ATRNL1: variants seen among roughly 807,000 people sequenced by gnomAD.
The protein encoded by ATRNL1 is attractin-like protein 1.
Under a neutral mutation model 182.7 loss-of-function variants are expected in ATRNL1, and 95 were observed. The ratio of observed to expected loss-of-function variants is 0.52; its 90% CI spans 0.44 to 0.62. ATRNL1 has a LOEUF of 0.62. Ranked by LOEUF, ATRNL1 falls within the 20% of genes least tolerant of loss-of-function variation. The pLI, the probability that ATRNL1 is intolerant of heterozygous loss-of-function variation, is 0.00. For synonymous variants in ATRNL1, 576 were observed against 568.3 expected (o/e 1.01, Z -0.19); for missense variants, 1,471 against 1,679.5 (o/e 0.88, Z 2.17).
intron 26 of ATRNL1, among the ~76,000 whole-genome samples, chr10:115,600,393 C>T (rs377458290): frequency 1.1e-4 from 16 of 152,140 alleles, no homozygotes; most frequent in East Asian, 9.7e-4. Context: ...CCAGTTTCTC[C>T]GCATCCTTGC....
At chr10:115,944,287 A>T (rs1229556844) in intron 28 of ATRNL1, among the ~76,000 whole-genome samples, 34 of 328 alleles carry the variant, frequency 0.1, no homozygotes, top group African/African-American at 0.11. Context: ...TTTGTTCCTA[A>T]AAAAAAAAAA....
chr10:115,540,260 A>G (rs2901051), intron 25 of ATRNL1, among the ~76,000 whole-genome samples: 106,406 of 151,910 alleles, frequency 0.7, 38,383 homozygotes, highest in African/African-American at 0.79. Flanking sequence ...GAGCTCATAG[A>G]TAGAACTCTG....
At chr10:115,363,443 A>G (rs1379065560) in intron 19 of ATRNL1, among the ~76,000 whole-genome samples, 7 of 145,816 alleles carry the variant, frequency 4.8e-5, no homozygotes, top group Admixed American at 2.7e-4. Flanking sequence ...AGTAGGTTGC[A>G]AAAATTTTCT....
At chr10:115,260,339 T>C (rs1851342813) in intron 10 of ATRNL1, among the ~76,000 whole-genome samples, 1 of 152,206 alleles carries the variant, frequency 6.6e-6, no homozygotes, top group Non-Finnish European at 1.5e-5. Flanking sequence ...AAAATGCTGT[T>C]AGTCCGATTT....
At chr10:115,115,928 T>A (rs1203097854) in intron 1 of ATRNL1, among the ~76,000 whole-genome samples, 5 of 152,138 alleles carry the variant, frequency 3.3e-5, no homozygotes, top group Non-Finnish European at 7.4e-5. Context: ...CAACCTTGTG[T>A]TATAAACAGC....
At chr10:115,150,789 A>G (rs535323713) in intron 5 of ATRNL1, among the ~76,000 whole-genome samples, 133 of 152,236 alleles carry the variant, frequency 8.7e-4, no homozygotes, top group African/African-American at 2.8e-3. Context: ...TTTGTTATAT[A>G]TGTATACATG....
At chr10:115,709,399 G>A (rs1555053898) in intron 26 of ATRNL1, among the ~76,000 whole-genome samples, 1 of 151,890 alleles carries the variant, frequency 6.6e-6, no homozygotes, top group Non-Finnish European at 1.5e-5. Flanking sequence ...GGTGAGCAAA[G>A]TTTATGTCAA....
chr10:115,354,531 C>G (rs782582009), intron 19 of ATRNL1, among the ~76,000 whole-genome samples: 5 of 152,130 alleles, frequency 3.3e-5, no homozygotes, highest in Non-Finnish European at 7.4e-5. Flanking sequence ...GGTCTATAAA[C>G]TCCCCACTGA....
At chr10:115,401,672 G>C (rs550508414) in intron 20 of ATRNL1, among the ~76,000 whole-genome samples, 1 of 151,902 alleles carries the variant, frequency 6.6e-6, no homozygotes, top group Non-Finnish European at 1.5e-5. Flanking sequence ...TCTGTTTCTG[G>C]TATGTAAAAA....
intron 26 of ATRNL1, among the ~76,000 whole-genome samples, chr10:115,630,407 TAGTG>T (rs1307948510): frequency 1.3e-5 from 2 of 151,950 alleles, no homozygotes; most frequent in African/African-American, 4.8e-5. Flanking sequence ...TAAGCACTGT[TAGTG>T]AGAGTGTCAA....
At chr10:115,136,654 T>G (rs2143778781) in intron 5 of ATRNL1, among the ~76,000 whole-genome samples, 1 of 152,358 alleles carries the variant, frequency 6.6e-6, no homozygotes, top group Non-Finnish European at 1.5e-5. Context: ...CTCCACAATT[T>G]TGCCTTTTCC....
chr10:115,414,079 C>T (rs1475941028), intron 20 of ATRNL1, among the ~76,000 whole-genome samples: 1 of 152,114 alleles, frequency 6.6e-6, no homozygotes, highest in East Asian at 1.9e-4. Context: ...CCTTCTTCTA[C>T]AGTAAATGAA....
chr10:115,161,723 G>T (rs1488594813), intron 6 of ATRNL1, among the ~76,000 whole-genome samples: 1 of 151,942 alleles, frequency 6.6e-6, no homozygotes, highest in African/African-American at 2.4e-5. Context: ...GAGTATTTTG[G>T]TTACAGTGTT....
intron 19 of ATRNL1, among the ~76,000 whole-genome samples, chr10:115,385,846 A>C (rs1406417838): frequency 6.6e-6 from 1 of 152,146 alleles, no homozygotes; most frequent in Admixed American, 6.5e-5. Context: ...ACTTTAGTAC[A>C]TTTGTTGAAA....
intron 21 of ATRNL1, among the ~76,000 whole-genome samples, chr10:115,441,663 A>C (rs1846687732): frequency 6.6e-6 from 1 of 151,960 alleles, no homozygotes; most frequent in South Asian, 2.1e-4. Context: ...ATCATCATTT[A>C]GATATTTTAT....
intron 8 of ATRNL1, among the ~76,000 whole-genome samples, chr10:115,188,641 C>T (rs574144429): frequency 2.0e-5 from 3 of 151,844 alleles, no homozygotes; most frequent in East Asian, 3.9e-4. Context: ...TAACTTTTTT[C>T]CTTTTGATCT....
intron 26 of ATRNL1, among the ~76,000 whole-genome samples, chr10:115,714,074 C>G (rs981814711): frequency 2.6e-5 from 4 of 151,814 alleles, no homozygotes; most frequent in Middle Eastern, 3.4e-3. Context: ...ATATTAAGGC[C>G]TTGGCCCTAG....
chr10:115,729,495 TTGTGTGTGTGTG>T (rs139166434), intron 27 of ATRNL1, among the ~76,000 whole-genome samples: 4 of 142,100 alleles, frequency 2.8e-5, no homozygotes, highest in African/African-American at 1.1e-4. Flanking sequence ...CTACCCCATT[TTGTGTGTGTGTG>T]TGTGTGTGTG....
At chr10:115,242,964 G>A (rs1286308319) in intron 10 of ATRNL1, among the ~76,000 whole-genome samples, 3 of 152,032 alleles carry the variant, frequency 2.0e-5, no homozygotes, top group Non-Finnish European at 2.9e-5. Context: ...TAGGCTGGCA[G>A]TGACTTTATC....
Sources: gnomAD v4.1 joint callset for allele counts (sites outside exome capture counted in the v4.1 genomes callset) on GRCh38, gnomAD v4.1.1 for gene constraint, MANE v1.5 for transcripts, NCBI Gene and HGNC (gene_info 2026-07-23, HGNC 2026-07-21) for gene names.